GABRB3: variants seen among roughly 807,000 people sequenced by gnomAD.
GABRB3 encodes the protein gamma-aminobutyric acid type A receptor subunit beta3, also known as gamma-aminobutyric acid receptor subunit beta-3.
GABRB3 carries 14 observed loss-of-function variants against 52.1 expected under a neutral mutation model. That is an observed-to-expected ratio of 0.27 (90% CI 0.18 to 0.42). GABRB3 has a LOEUF of 0.42. GABRB3 is among the 10% of genes least tolerant of loss of function. The pLI is 1.00. For missense variants in GABRB3, 307 were observed against 609.1 expected, an observed-to-expected ratio of 0.50 and a Z score of 5.22; for synonymous variants, 260 against 232.3, an observed-to-expected ratio of 1.12 and a Z score of -1.08.
In GABRB3 at chr15:26,732,705, T is replaced by C. The variant is rs558317707; in HGVS notation, c.240+39697A>G. Among the ~76,000 whole-genome samples, 287 of 152,076 alleles carry C rather than the reference T, an allele frequency of 1.9e-3. 1 individual carries two copies. The highest frequency in any genetic ancestry group is 0.01 in the Middle Eastern group (3 of 294). On this transcript the variant is annotated intron_variant, in intron 3 of 8. Coordinates refer to ENST00000311550, the MANE Select transcript of GABRB3 (RefSeq NM_000814.6). ...GCCTCAGCCCGCTGAGTAGCTGGGA[T>C]AACAGGCACGCGCTACCGTGGCCAG...
intron 8 of GABRB3, among the ~76,000 whole-genome samples, chr15:26,549,018 A>T (rs1008984051): frequency 6.6e-6 from 1 of 152,056 alleles, no homozygotes; most frequent in Admixed American, 6.6e-5. Context: ...AGCAAGCCCC[A>T]CACTTCCCTA....
intron 4 of GABRB3, among the ~76,000 whole-genome samples, chr15:26,596,859 TAC>T (rs1480416043): frequency 6.6e-6 from 1 of 152,148 alleles, no homozygotes; most frequent in Non-Finnish European, 1.5e-5. Flanking sequence ...ATTTCTTTCT[TAC>T]AGTGATGGAG....
At chr15:26,678,098 T>G (rs1888123809) in intron 3 of GABRB3, among the ~76,000 whole-genome samples, 1 of 151,530 alleles carries the variant, frequency 6.6e-6, no homozygotes. Context: ...AAAACAAGAG[T>G]GAGAGCAGAA....
intron 4 of GABRB3, among the ~76,000 whole-genome samples, chr15:26,584,686 C>G (rs1890914511): frequency 6.6e-6 from 1 of 152,234 alleles, no homozygotes; most frequent in Non-Finnish European, 1.5e-5. Flanking sequence ...ATGTCAAGTC[C>G]ACTTCCTACT....
At chr15:26,633,176 T>C (rs1892955222) in intron 3 of GABRB3, among the ~76,000 whole-genome samples, 2 of 152,264 alleles carry the variant, frequency 1.3e-5, no homozygotes, top group Non-Finnish European at 2.9e-5. Flanking sequence ...CAATACAAGC[T>C]TGTTTCCTGA....
intron 3 of GABRB3, among the ~76,000 whole-genome samples, chr15:26,670,699 G>A (rs1013950894): frequency 6.6e-6 from 1 of 152,168 alleles, no homozygotes; most frequent in African/African-American, 2.4e-5. Context: ...ATTATGAAGT[G>A]TAACTGTACT....
intron 3 of GABRB3, among the ~76,000 whole-genome samples, chr15:26,637,340 C>T (rs992082741): frequency 2.6e-5 from 4 of 152,208 alleles, no homozygotes; most frequent in African/African-American, 7.2e-5. Flanking sequence ...ACCCTCTACA[C>T]GCTCCCATCC....
At chr15:26,735,890 G>A (rs539069382) in intron 3 of GABRB3, among the ~76,000 whole-genome samples, 2 of 152,002 alleles carry the variant, frequency 1.3e-5, no homozygotes, top group South Asian at 2.1e-4. Context: ...AGGAGGTTGA[G>A]GCTGCAGTGA....
At position 26,711,816 on chromosome 15, in the gene GABRB3, T is replaced by C. The variant is rs115774899; in HGVS notation, c.240+60586A>G. Among the ~76,000 whole-genome samples, 707 of 152,316 alleles carry C rather than the reference T, an allele frequency of 4.6e-3. 5 individuals carry two copies. Among genetic ancestry groups the C allele is most frequent in the African/African-American group, 0.016 (680 of 41,582 alleles). ...TAGCGAACGTAATGAAATAAACTAA[T>C]GATTTCACAATGCGATCTTAACACT... On this transcript the variant is annotated intron_variant, in intron 3 of 8. Transcript: ENST00000311550.
At chr15:26,691,611 A>G (rs1888591167) in intron 3 of GABRB3, among the ~76,000 whole-genome samples, 1 of 152,192 alleles carries the variant, frequency 6.6e-6, no homozygotes, top group Non-Finnish European at 1.5e-5. Flanking sequence ...TTGAATCACA[A>G]TTTGTTTAAT....
intron 3 of GABRB3, among the ~76,000 whole-genome samples, chr15:26,706,655 T>G (rs4906894): frequency 0.72 from 109,599 of 152,052 alleles, 41,357 homozygotes; most frequent in South Asian, 0.87. Flanking sequence ...GGTAAATGCA[T>G]GAATAGAGTA....
chr15:26,673,831 G>A (rs1887973729), intron 3 of GABRB3, among the ~76,000 whole-genome samples: 1 of 152,216 alleles, frequency 6.6e-6, no homozygotes, highest in Admixed American at 6.5e-5. Flanking sequence ...GAGCTAGAAT[G>A]TGACAAGTTA....
At chr15:26,741,820 G>A (rs1175862923) in intron 3 of GABRB3, among the ~76,000 whole-genome samples, 1 of 152,046 alleles carries the variant, frequency 6.6e-6, no homozygotes, top group East Asian at 1.9e-4. Flanking sequence ...ATGTTGCCCT[G>A]GCTGGTCTCA....
At chr15:26,724,701 T>C (rs74854875) in intron 3 of GABRB3, among the ~76,000 whole-genome samples, 9 of 152,192 alleles carry the variant, frequency 5.9e-5, no homozygotes, top group Admixed American at 4.6e-4. Flanking sequence ...ATAGGTCCCA[T>C]GGAGAGGCAT....
intron 4 of GABRB3, among the ~76,000 whole-genome samples, chr15:26,618,764 C>G (rs565007176): frequency 6.6e-6 from 1 of 152,122 alleles, no homozygotes; most frequent in African/African-American, 2.4e-5. Context: ...TTGCAACCTA[C>G]TCATCTGACA....
intron 3 of GABRB3, among the ~76,000 whole-genome samples, chr15:26,707,525 A>T (rs17117279): frequency 0.23 from 34,238 of 152,122 alleles, 4,516 homozygotes; most frequent in African/African-American, 0.37. Context: ...GAGCCTGAGT[A>T]TCCACCATAG....
chr15:26,764,679 A>C (rs1029962213), intron 3 of GABRB3, among the ~76,000 whole-genome samples: 2 of 152,128 alleles, frequency 1.3e-5, no homozygotes, highest in Non-Finnish European at 2.9e-5. Flanking sequence ...CTCTTCTTCC[A>C]AATTTTGCAG....
chr15:26,671,989 CT>C (rs1178530189), intron 3 of GABRB3, among the ~76,000 whole-genome samples: 1 of 152,110 alleles, frequency 6.6e-6, no homozygotes, highest in Non-Finnish European at 1.5e-5. Context: ...AATGGTTTCA[CT>C]ATAGAAACAA....
Position 26,683,205 on chromosome 15 carries a change from G to C in GABRB3, c.241-61671C>G, listed in dbSNP as rs1279588662. On this transcript the variant is annotated intron_variant, in intron 3 of 8. Transcript: ENST00000311550. ...GTCGGGCCTCTATTATAAAATAATA[G>C]AAACATTTATAATAAATGTTTAAGA... 2.0e-5 allele frequency among the ~76,000 whole-genome samples: 3 copies of C among 152,118 alleles called. No homozygotes were observed. In the East Asian group the frequency reaches 5.8e-4, roughly 29 times the overall value.
Sources: allele counts gnomAD v4.1 joint callset (sites outside exome capture counted in the v4.1 genomes callset), GRCh38; gene constraint gnomAD v4.1.1; transcripts MANE v1.5; gene names NCBI Gene and HGNC (gene_info 2026-07-23, HGNC 2026-07-21).